The following OR14A16 variants were observed in gnomAD, a reference collection of about 807,000 sequenced individuals.
OR14A16 encodes the protein olfactory receptor 14A16.
For synonymous variants in OR14A16, 135 were observed against 137.6 expected (o/e 0.98, Z 0.13); for missense variants, 341 against 366.5 (o/e 0.93, Z 0.57).
Position 247,815,280 on chromosome 1 carries a change from C to T in OR14A16, c.450G>A (p.Gly150=), listed in dbSNP as rs1662589127. Residue 150 remains glycine, a synonymous_variant, in exon 3 of 3, where the codon GGG becomes GGA. Transcript: ENST00000641093. The part of the protein sequence containing the change: ...VQRATVSWLY[G]GLIAVMHTAG... ...CTGTGTGCATCACAGCAATCAGACC[C>T]CCATACAGCCAAGACACAGTGGCTC... is the stretch of plus-strand genomic sequence containing the variant. The T allele has an allele frequency of 1.9e-6, 3 of 1,614,058 alleles. No homozygotes were observed. The African/African-American group carries it at 4.0e-5, about 22-fold the overall frequency.
At chr1:247,821,546 A>AAAC (rs1341048804) in intron 1 of OR14A16, among the ~76,000 whole-genome samples, 1 of 147,736 alleles carries the variant, frequency 6.8e-6, no homozygotes. Context: ...TTTTGACTTA[A>AAAC]AGTCTATCTT....
rs79307181 is a variant in OR14A16, at chr1:247,815,640, C to T, written c.90G>A (p.Leu30=). The part of the protein sequence containing the change: ...NMCILHSILF[L]LIYLCALMGN... ...CCATCAGGGCACACAAATAAATCAACAAGAAGAGAATCGAATGCAAAATGC... is the reference window on the plus strand; with the variant it reads ...CCATCAGGGCACACAAATAAATCAATAAGAAGAGAATCGAATGCAAAATGC... The change falls in exon 3 of 3, where the codon TTG becomes TTA. Residue 30 remains leucine (L), a synonymous_variant. Coordinates refer to ENST00000641093, the MANE Select transcript of OR14A16 (RefSeq NM_001001966.2). The T allele has an allele frequency of 4.8e-5, 78 of 1,611,722 alleles. 3 individuals are homozygous for T. In the South Asian group the frequency reaches 8.0e-4, roughly 17 times the overall value.
intron 2 of OR14A16, among the ~76,000 whole-genome samples, chr1:247,816,700 G>A (rs1048858373): frequency 2.0e-5 from 3 of 152,208 alleles, no homozygotes; most frequent in Non-Finnish European, 2.9e-5. Flanking sequence ...TTGAACTCCT[G>A]CCTGGGCAAC....
intron 1 of OR14A16, 142 bp from the exon 2 acceptor site, chr1:247,819,319 C>G (rs12030352): frequency 0.84 from 127,362 of 151,832 alleles, 55,133 homozygotes; most frequent in East Asian, 1. Flanking sequence ...GATTGCGATG[C>G]GAGTAATATC....
At chr1:247,822,068 T>G (rs1662749760) in intron 1 of OR14A16, among the ~76,000 whole-genome samples, 1 of 152,162 alleles carries the variant, frequency 6.6e-6, no homozygotes, top group Non-Finnish European at 1.5e-5. Context: ...ACAATTTATG[T>G]TTTTTATGTT....
intron 2 of OR14A16, among the ~76,000 whole-genome samples, chr1:247,816,130 T>C (rs926303962): frequency 6.6e-6 from 1 of 152,192 alleles, no homozygotes; most frequent in African/African-American, 2.4e-5. Context: ...CATTGTACCA[T>C]AGTCTTGCTC....
chr1:247,815,821 T>C (rs1662611735), intron 2 of OR14A16, 77 bp from the exon 3 acceptor site: 3 of 605,520 alleles, frequency 5.0e-6, no homozygotes, highest in African/African-American at 1.8e-5. Context: ...ACACATATAT[T>C]ATTTAGCATA....
intron 1 of OR14A16, among the ~76,000 whole-genome samples, 173 bp downstream of exon 1, chr1:247,823,780 C>A (rs1552816): frequency 0.99 from 150,569 of 152,282 alleles, 74,449 homozygotes; most frequent in Middle Eastern, 1. Context: ...GAGGAGACAC[C>A]CACTCAAAAG....
In OR14A16 at chr1:247,815,696, G is replaced by A. The variant is rs756426074; in HGVS notation, c.34C>T (p.Leu12Phe). The stretch of plus-strand genomic sequence containing the variant: ...TTTTTATTGGTAGAAAACCCCATAA[G>A]GATAAATTCAGTCACGATTGTGAGA... The part of the protein sequence containing the change: ...ANLTIVTEFI[L>F]MGFSTNKNMC... Residue 12 changes from leucine (L) to phenylalanine (F), a missense_variant, in exon 3 of 3, where the codon CTT becomes TTT. Transcript: ENST00000641093. The A allele has an allele frequency of 3.1e-6, 5 of 1,599,744 alleles. No individual in the cohort carries two copies. The African/African-American group carries it at 5.4e-5, about 17-fold the overall frequency.
At position 247,815,196 on chromosome 1, in the gene OR14A16, G is replaced by A. The variant is rs1435481636; in HGVS notation, c.534C>T (p.Asp178=). The A allele has an allele frequency of 6.2e-7, 1 of 1,613,092 alleles. No individual in the cohort carries two copies. Among genetic ancestry groups the A allele is most frequent in the Non-Finnish European group, 8.5e-7 (1 of 1,179,662 alleles). The change falls in exon 3 of 3, where the codon GAC becomes GAT. Residue 178 remains aspartate, a synonymous_variant. Coordinates refer to ENST00000641093, the MANE Select transcript of OR14A16 (RefSeq NM_001001966.2). ...AAGAAATAGCTAATAACTGGGGAAT[G>A]TCACAGAAGAACTGATGGACCATGT... is the stretch of plus-strand genomic sequence containing the variant. ...GSNMVHQFFC[D]IPQLLAISCS...
intron 1 of OR14A16, among the ~76,000 whole-genome samples, chr1:247,819,946 T>C (rs1662700551): frequency 6.6e-6 from 1 of 152,246 alleles, no homozygotes. Flanking sequence ...TGAAAGGAAT[T>C]GTATTAAATG....
rs1662603894 is a variant in OR14A16, at chr1:247,815,664, G to A, written c.66C>T (p.Cys22=). 6.2e-7 allele frequency: 1 copy of A among 1,610,430 alleles called. No individual in the cohort carries two copies. Among genetic ancestry groups the A allele is most frequent in the Non-Finnish European group, 8.5e-7 (1 of 1,177,084 alleles). The change falls in exon 3 of 3, where the codon TGC becomes TGT. Residue 22 remains cysteine (C), a synonymous_variant. Coordinates refer to ENST00000641093, the MANE Select transcript of OR14A16 (RefSeq NM_001001966.2). ...ACAAGAAGAGAATCGAATGCAAAAT[G>A]CACATATTTTTATTGGTAGAAAACC... ...LMGFSTNKNM[C]ILHSILFLLI...
intron 2 of OR14A16, among the ~76,000 whole-genome samples, chr1:247,817,237 TGATA>T (rs1315519852): frequency 2.0e-5 from 3 of 152,100 alleles, no homozygotes; most frequent in African/African-American, 7.2e-5. Context: ...CTCTCAGGAG[TGATA>T]GATAAAGAAA....
chr1:247,818,240 C>G (rs765100266), intron 2 of OR14A16, among the ~76,000 whole-genome samples: 3 of 152,042 alleles, frequency 2.0e-5, no homozygotes, highest in African/African-American at 7.2e-5. Context: ...CAGGCAATAA[C>G]AAATGCTGGG....
intron 2 of OR14A16, among the ~76,000 whole-genome samples, chr1:247,818,052 G>A (rs1489003842): frequency 1.3e-5 from 2 of 151,952 alleles, no homozygotes; most frequent in Non-Finnish European, 2.9e-5. Context: ...ATATCTTTAG[G>A]TTTTATTAGT....
At chr1:247,818,785 A>C (rs1031120098) in intron 2 of OR14A16, among the ~76,000 whole-genome samples, 1 of 152,200 alleles carries the variant, frequency 6.6e-6, no homozygotes, top group Non-Finnish European at 1.5e-5. Context: ...AATAAGATTT[A>C]GTATTTGATA....
At chr1:247,822,187 G>A (rs1406695442) in intron 1 of OR14A16, among the ~76,000 whole-genome samples, 1 of 151,934 alleles carries the variant, frequency 6.6e-6, no homozygotes, top group African/African-American at 2.4e-5. Flanking sequence ...TTAGGTGGCT[G>A]GTGAAGCTTT....
chr1:247,815,490 G>A lies in OR14A16; in HGVS notation c.240C>T (p.Ile80=), dbSNP rs200580825. The change falls in exon 3 of 3, where the codon ATC becomes ATT. Residue 80 remains isoleucine (I), a synonymous_variant. Transcript: ENST00000641093. ...CLISVTAPKS[I]ANSLIHNNSI... Reference sequence around the variant, plus strand: ...AGTTGTTGTGTATCAAAGAATTGGCGATAGATTTGGGAGCCGTGACTGAAA... The same window carrying A: ...AGTTGTTGTGTATCAAAGAATTGGCAATAGATTTGGGAGCCGTGACTGAAA... 7.4e-6 allele frequency: 12 copies of A among 1,613,994 alleles called. No individual in the cohort carries two copies. Among genetic ancestry groups the A allele is most frequent in the Admixed American group, 1.7e-5 (1 of 60,016 alleles).
chr1:247,816,537 G>A (rs1343723680), intron 2 of OR14A16, among the ~76,000 whole-genome samples: 1 of 152,128 alleles, frequency 6.6e-6, no homozygotes, highest in Non-Finnish European at 1.5e-5. Flanking sequence ...GACCAGCCAG[G>A]ACAACATGGC....
Sources: allele counts gnomAD v4.1 joint callset (sites outside exome capture counted in the v4.1 genomes callset), GRCh38; gene constraint gnomAD v4.1.1; transcripts MANE v1.5; gene names NCBI Gene and HGNC (gene_info 2026-07-23, HGNC 2026-07-21).